The following RBFOX1 variants were observed in gnomAD, a reference collection of about 807,000 sequenced individuals.
RBFOX1 encodes RNA binding protein fox-1 homolog 1.
In RBFOX1, 8 loss-of-function variants were observed where a neutral mutation model predicts 57.7. The ratio of observed to expected loss-of-function variants is 0.14; its 90% CI spans 0.08 to 0.25. The LOEUF (loss-of-function observed/expected upper bound fraction) is 0.25. Among genes scored for constraint, RBFOX1 ranks in the 10% least tolerant of loss-of-function variants. RBFOX1 has a pLI of 1.00. For missense variants in RBFOX1, 611 were observed against 548.5 expected (o/e 1.11, Z -1.14); for synonymous variants, 326 against 222.4 (o/e 1.47, Z -4.15).
chr16:6,636,551 C>T (rs1456835810), intron 2 of RBFOX1, among the ~76,000 whole-genome samples: 2 of 151,848 alleles, frequency 1.3e-5, no homozygotes, highest in East Asian at 1.9e-4. Context: ...TACTGTAGCA[C>T]ATATCAGAAG....
At chr16:6,895,287 A>T (rs7198300) in intron 3 of RBFOX1, among the ~76,000 whole-genome samples, 35,892 of 150,974 alleles carry the variant, frequency 0.24, 4,382 homozygotes, top group African/African-American at 0.27. Flanking sequence ...AATCCCCTGG[A>T]TAGCTCTAAA....
At chr16:6,805,285 G>T (rs568412944) in intron 3 of RBFOX1, among the ~76,000 whole-genome samples, 1 of 152,104 alleles carries the variant, frequency 6.6e-6, no homozygotes, top group Non-Finnish European at 1.5e-5. Context: ...AACTATGACA[G>T]GAACAAAAAA....
intron 2 of RBFOX1, among the ~76,000 whole-genome samples, chr16:6,626,946 A>G (rs1314968378): frequency 6.6e-6 from 1 of 152,190 alleles, no homozygotes; most frequent in Non-Finnish European, 1.5e-5. Flanking sequence ...TGATAGCCTA[A>G]ATACAAACTA....
chr16:6,019,288 G>A lies in RBFOX1; in HGVS notation c.-831G>A. ...CCCTTCCTGGTCTCCCGAGCGCGGG[G>A]TTTGAAGGTCACCTCCTTTCCAGTC... On this transcript the variant is annotated 5_prime_UTR_variant, in exon 1 of 16. Coordinates refer to ENST00000550418, the MANE Select transcript of RBFOX1 (RefSeq NM_018723.4). This position sits in a 1 kb window ranked among gnomAD's most constrained non-coding sequence, Gnocchi z 4.2. 1.0e-6 allele frequency: 1 copy of A among 985,300 alleles called. No individual in the cohort carries two copies. Among genetic ancestry groups the A allele is most frequent in the Non-Finnish European group, 1.2e-6 (1 of 830,162 alleles). The allele number at this position is 985,300 out of a possible 1,614,324, so 61.0% of individuals were successfully genotyped here.
chr16:6,956,982 G>T (rs898496519), intron 3 of RBFOX1, among the ~76,000 whole-genome samples: 1 of 151,824 alleles, frequency 6.6e-6, no homozygotes, highest in Admixed American at 6.5e-5. Context: ...GGGCAAGTCT[G>T]CAGAGTAAAG....
chr16:6,326,634 A>G (rs2082402670), intron 2 of RBFOX1, among the ~76,000 whole-genome samples: 2 of 152,192 alleles, frequency 1.3e-5, no homozygotes, highest in African/African-American at 2.4e-5. Context: ...CACCAAGTCC[A>G]TAAACCTGCA....
At chr16:7,562,222 G>C (rs1046805128) in intron 5 of RBFOX1, among the ~76,000 whole-genome samples, 1 of 152,156 alleles carries the variant, frequency 6.6e-6, no homozygotes, top group Non-Finnish European at 1.5e-5. Flanking sequence ...CTGTGTACCT[G>C]CTTTTTATCT....
chr16:7,380,687 C>T (rs191432519), intron 4 of RBFOX1, among the ~76,000 whole-genome samples: 24 of 152,364 alleles, frequency 1.6e-4, no homozygotes, highest in Non-Finnish European at 7.4e-5. Context: ...GACGATAACC[C>T]AGTCGTTTCA....
intron 4 of RBFOX1, among the ~76,000 whole-genome samples, chr16:7,335,480 C>G (rs897597770): frequency 6.6e-6 from 1 of 151,344 alleles, no homozygotes; most frequent in Admixed American, 6.6e-5. Context: ...CAAGGTCTTT[C>G]CAACCTCAAG....
intron 2 of RBFOX1, among the ~76,000 whole-genome samples, chr16:6,472,044 C>A (rs1188452910): frequency 6.6e-6 from 1 of 152,206 alleles, no homozygotes; most frequent in South Asian, 2.1e-4. Context: ...CCATCACCCC[C>A]CATTCTTTCT....
intron 4 of RBFOX1, among the ~76,000 whole-genome samples, chr16:7,248,938 A>T (rs1029113999): frequency 2.0e-5 from 3 of 152,172 alleles, no homozygotes; most frequent in African/African-American, 7.2e-5. Flanking sequence ...GGCGGGTAGC[A>T]CCATCTTGTT....
intron 3 of RBFOX1, among the ~76,000 whole-genome samples, chr16:6,835,149 C>A (rs1007843712): frequency 2.6e-5 from 4 of 152,076 alleles, no homozygotes; most frequent in African/African-American, 9.7e-5. Flanking sequence ...GATCTGCCCA[C>A]CTCGGCCTCC....
At chr16:6,125,817 C>T (rs1481490950) in intron 1 of RBFOX1, among the ~76,000 whole-genome samples, 2 of 152,142 alleles carry the variant, frequency 1.3e-5, no homozygotes, top group African/African-American at 4.8e-5. Flanking sequence ...GGCTATTTTC[C>T]TCCCATTGTA....
intron 2 of RBFOX1, among the ~76,000 whole-genome samples, chr16:6,629,383 T>G (rs1323590312): frequency 6.6e-6 from 1 of 152,230 alleles, no homozygotes; most frequent in Non-Finnish European, 1.5e-5. Context: ...TAACGACTTT[T>G]GGCCCTGAGA....
chr16:5,986,779 G>T (rs1198385997), intron 4 of RBFOX1, among the ~76,000 whole-genome samples: 1 of 152,188 alleles, frequency 6.6e-6, no homozygotes, highest in Non-Finnish European at 1.5e-5. Context: ...CTGTTCACTT[G>T]TTGAAGGACA....
At chr16:7,044,716 A>G (rs748949677) in intron 3 of RBFOX1, among the ~76,000 whole-genome samples, 1 of 152,110 alleles carries the variant, frequency 6.6e-6, no homozygotes, top group African/African-American at 2.4e-5. Flanking sequence ...AAAATATCAC[A>G]TGTTAGTTTC....
At chr16:6,916,507 C>G (rs183604213) in intron 3 of RBFOX1, among the ~76,000 whole-genome samples, 32 of 149,610 alleles carry the variant, frequency 2.1e-4, no homozygotes, top group African/African-American at 7.1e-4. Context: ...TTTTAATTGT[C>G]ATTCTACGAC....
chr16:7,669,309 C>T (rs2070579284), intron 13 of RBFOX1, among the ~76,000 whole-genome samples: 1 of 151,642 alleles, frequency 6.6e-6, no homozygotes, highest in African/African-American at 2.4e-5. Context: ...CAGAAAGAGA[C>T]CAAAAAGTAT....
chr16:5,895,856 C>G (rs1285322899), intron 4 of RBFOX1, among the ~76,000 whole-genome samples: 7 of 152,166 alleles, frequency 4.6e-5, no homozygotes, highest in Non-Finnish European at 7.4e-5. Context: ...AACTGTTTTG[C>G]TGGACCTTAA....
Sources: gnomAD v4.1 joint callset for allele counts (sites outside exome capture counted in the v4.1 genomes callset) on GRCh38, gnomAD v4.1.1 for gene constraint, Gnocchi (gnomAD v3.1) non-coding constraint, MANE v1.5 for transcripts, NCBI Gene and HGNC (gene_info 2026-07-23, HGNC 2026-07-21) for gene names.